SYNPR: variants seen among roughly 807,000 people sequenced by gnomAD.
SYNPR encodes the protein synaptoporin.
In SYNPR, 23 loss-of-function variants were observed where a neutral mutation model predicts 32.9. The observed-to-expected ratio is 0.70, with a 90% confidence interval of 0.50 to 0.99. The LOEUF is 0.99. SYNPR is among the 50% of genes least tolerant of loss of function. SYNPR has a pLI of 0.00. For missense variants in SYNPR, 318 were observed against 349.3 expected, an observed-to-expected ratio of 0.91 and a Z score of 0.71; for synonymous variants, 146 against 135.9, an observed-to-expected ratio of 1.07 and a Z score of -0.52.
chr3:63,377,336 T>C (rs2087907371), intron 2 of SYNPR, among the ~76,000 whole-genome samples: 1 of 152,110 alleles, frequency 6.6e-6, no homozygotes, highest in African/African-American at 2.4e-5. Context: ...AGATGAAATG[T>C]ACAGTTCTAG....
chr3:63,290,473 C>A (rs920449363), intron 2 of SYNPR, among the ~76,000 whole-genome samples: 1 of 152,178 alleles, frequency 6.6e-6, no homozygotes, highest in African/African-American at 2.4e-5. Context: ...TAAATGCCCT[C>A]ATGACTAAGG....
chr3:63,607,964 G>C (rs1369261659), intron 4 of SYNPR, among the ~76,000 whole-genome samples: 1 of 152,100 alleles, frequency 6.6e-6, no homozygotes, highest in Non-Finnish European at 1.5e-5. Flanking sequence ...TACTTGAGGA[G>C]GTTATTATTA....
At chr3:63,346,114 C>G (rs1401833688) in intron 2 of SYNPR, among the ~76,000 whole-genome samples, 1 of 152,142 alleles carries the variant, frequency 6.6e-6, no homozygotes, top group African/African-American at 2.4e-5. Context: ...CGTGCCCAAC[C>G]ATGGAACTAT....
chr3:63,238,083 T>A (rs1341310766), intron 1 of SYNPR, among the ~76,000 whole-genome samples: 2 of 152,110 alleles, frequency 1.3e-5, no homozygotes, highest in African/African-American at 4.8e-5. Context: ...TGGGATATGA[T>A]GTGTGGGTCA....
At chr3:63,352,353 G>A (rs532362795) in intron 2 of SYNPR, among the ~76,000 whole-genome samples, 4 of 152,198 alleles carry the variant, frequency 2.6e-5, no homozygotes, top group East Asian at 1.9e-4. Flanking sequence ...CGGCAGATTC[G>A]GCTGGAAAAT....
At chr3:63,231,840 T>C (rs2086168827) in intron 1 of SYNPR, among the ~76,000 whole-genome samples, 1 of 152,214 alleles carries the variant, frequency 6.6e-6, no homozygotes, top group African/African-American at 2.4e-5. Context: ...ATTTTTCTTA[T>C]CAAAGCCAAG....
chr3:63,334,173 T>C (rs946573938), intron 2 of SYNPR, among the ~76,000 whole-genome samples: 1 of 152,228 alleles, frequency 6.6e-6, no homozygotes, highest in African/African-American at 2.4e-5. Context: ...AGCTCTTACA[T>C]GTTTTTTTTC....
intron 2 of SYNPR, among the ~76,000 whole-genome samples, chr3:63,306,024 A>G (rs952310536): frequency 1.3e-5 from 2 of 151,966 alleles, no homozygotes; most frequent in Admixed American, 6.6e-5. Flanking sequence ...TTCAAGGCCC[A>G]GTTTAGATGC....
chr3:63,419,428 G>T (rs535476881), intron 2 of SYNPR, among the ~76,000 whole-genome samples: 1 of 152,222 alleles, frequency 6.6e-6, no homozygotes, highest in African/African-American at 2.4e-5. Flanking sequence ...AGGGAAAGAA[G>T]CTGAACTGGA....
At chr3:63,457,804 C>T (rs934903316) in intron 2 of SYNPR, among the ~76,000 whole-genome samples, 8 of 152,052 alleles carry the variant, frequency 5.3e-5, no homozygotes, top group Non-Finnish European at 1.2e-4. Flanking sequence ...GGGAGAAGAC[C>T]CTACTGCTTT....
chr3:63,302,088 A>G (rs2086863920), intron 2 of SYNPR, among the ~76,000 whole-genome samples: 2 of 152,154 alleles, frequency 1.3e-5, no homozygotes, highest in South Asian at 4.1e-4. Context: ...CCTCATCAGC[A>G]TCTCGTTTCA....
chr3:63,588,278 T>C (rs757952526), intron 4 of SYNPR, among the ~76,000 whole-genome samples: 19 of 152,094 alleles, frequency 1.2e-4, no homozygotes, highest in Admixed American at 2.6e-4. Flanking sequence ...TGAGAAAACA[T>C]TGTAGTCTAG....
intron 2 of SYNPR, among the ~76,000 whole-genome samples, chr3:63,399,036 T>C (rs1016013841): frequency 3.9e-5 from 6 of 152,154 alleles, no homozygotes; most frequent in East Asian, 1.9e-4. Context: ...GGCTTAAAAA[T>C]AGGCAGAAAC....
At chr3:63,203,649 A>C in the SYNPR span, among the ~76,000 whole-genome samples, 2 of 152,148 alleles carry the variant, frequency 1.3e-5, no homozygotes, top group African/African-American at 4.8e-5. Context: ...CCTTTTCTAA[A>C]GGTGAATCTG....
intron 2 of SYNPR, among the ~76,000 whole-genome samples, chr3:63,358,061 G>A (rs2087606019): frequency 6.6e-6 from 1 of 152,156 alleles, no homozygotes; most frequent in Non-Finnish European, 1.5e-5. Context: ...GCAGTATAGG[G>A]TGCCACATTC....
At chr3:63,549,454 T>C (rs1166520629) in intron 3 of SYNPR, among the ~76,000 whole-genome samples, 1 of 152,208 alleles carries the variant, frequency 6.6e-6, no homozygotes, top group Non-Finnish European at 1.5e-5. Flanking sequence ...GACTCATCTC[T>C]GCCATCTTCT....
Position 63,258,546 on chromosome 3 carries a change from A to T in SYNPR, n.154+5960A>T, listed in dbSNP as rs371225187. 3.5e-4 allele frequency among the ~76,000 whole-genome samples: 53 copies of T among 152,354 alleles called. No individual in the cohort carries two copies. In the South Asian group the frequency reaches 0.011, roughly 31 times the overall value. On this transcript the variant is annotated intron_variant and non_coding_transcript_variant, in intron 2 of 4. Transcript: ENST00000478456. The stretch of plus-strand genomic sequence containing the variant: ...AATGAGAACAAAGACACAACATACC[A>T]GAATCTCTGGGGCATATTCAAAGCA...
At chr3:63,273,892 T>A (rs2086555308), upstream of SYNPR, among the ~76,000 whole-genome samples, 1 of 152,236 alleles carries the variant, frequency 6.6e-6, no homozygotes, top group South Asian at 2.1e-4. Flanking sequence ...GATTGAGAGA[T>A]AATGCTATAC....
upstream of SYNPR, among the ~76,000 whole-genome samples, chr3:63,273,812 T>G (rs2086554615): frequency 6.6e-6 from 1 of 152,238 alleles, no homozygotes; most frequent in African/African-American, 2.4e-5. Flanking sequence ...ATACATATTC[T>G]TGCATGTTTT....
Sources: gnomAD v4.1 joint callset for allele counts (sites outside exome capture counted in the v4.1 genomes callset) on GRCh38, gnomAD v4.1.1 for gene constraint, MANE v1.5 for transcripts, NCBI Gene and HGNC (gene_info 2026-07-23, HGNC 2026-07-21) for gene names.